Variants in PALLD observed in about 807,000 individuals in gnomAD.
PALLD encodes the protein palladin, cytoskeletal associated protein.
In PALLD, 61 loss-of-function variants were observed where a neutral mutation model predicts 123.5. The observed-to-expected ratio is 0.49, with a 90% CI of 0.40 to 0.61. PALLD has a LOEUF of 0.61. Ranked by LOEUF, PALLD falls within the 20% of genes least tolerant of loss-of-function variation. The pLI is 0.00. For synonymous variants in PALLD, 465 were observed against 496.4 expected, an observed-to-expected ratio of 0.94 and a Z score of 0.84; for missense variants, 1,273 against 1,377.0, an observed-to-expected ratio of 0.92 and a Z score of 1.20.
At chr4:168,878,683 G>A (rs77100808) in intron 10 of PALLD, among the ~76,000 whole-genome samples, 3 of 27,638 alleles carry the variant, frequency 1.1e-4, no homozygotes, top group South Asian at 1.2e-3. Context: ...TAATCATTAT[G>A]GGGGGGGGGG....
intron 2 of PALLD, among the ~76,000 whole-genome samples, chr4:168,542,405 A>G (rs1453463221): frequency 6.6e-6 from 1 of 151,846 alleles, no homozygotes; most frequent in Admixed American, 6.6e-5. Flanking sequence ...AACAGAGAGA[A>G]AAAAGAAAAT....
chr4:168,593,370 G>T (rs1771635227), intron 2 of PALLD, among the ~76,000 whole-genome samples: 1 of 146,418 alleles, frequency 6.8e-6, no homozygotes, highest in African/African-American at 2.6e-5. Context: ...TACCTTTTCT[G>T]CTCAGCATAT....
intron 2 of PALLD, among the ~76,000 whole-genome samples, chr4:168,606,504 C>A (rs972538964): frequency 6.6e-6 from 1 of 151,916 alleles, no homozygotes; most frequent in Admixed American, 6.6e-5. Flanking sequence ...GAAACCCCGT[C>A]TCTACTAAAA....
intron 4 of PALLD, 144 bp from the exon 5 acceptor site, chr4:168,682,854 T>G: frequency 3.3e-6 from 2 of 598,752 alleles, no homozygotes; most frequent in Non-Finnish European, 6.0e-6. Context: ...TGGAAGCAAT[T>G]ACAGTTGAAG....
chr4:168,764,142 T>C (rs527267915), intron 10 of PALLD, among the ~76,000 whole-genome samples: 11 of 152,168 alleles, frequency 7.2e-5, no homozygotes, highest in Non-Finnish European at 1.5e-4. Context: ...TGTCTTCTTA[T>C]AGATATGGGA....
chr4:168,731,107 C>T (rs909768650), intron 10 of PALLD, among the ~76,000 whole-genome samples: 1 of 152,180 alleles, frequency 6.6e-6, no homozygotes, highest in Admixed American at 6.5e-5. Flanking sequence ...CTGCTGCTCA[C>T]GTTAGCATCC....
At chr4:168,691,402 T>C in intron 8 of PALLD, 110 bp downstream of exon 8, 1 of 866,014 alleles carries the variant, frequency 1.2e-6, no homozygotes. Flanking sequence ...CAGAACAATG[T>C]TTTTGTGGCT....
chr4:168,743,092 C>G lies in PALLD; in HGVS notation c.1964+31169C>G, dbSNP rs148782985. The stretch of plus-strand genomic sequence containing the variant: ...GTGTCCTCCCCAGCAGTAGAAATTT[C>G]TACTGCGTGATAACTCTCACGCAAT... On this transcript the variant is annotated intron_variant, in intron 10 of 21. Transcript: ENST00000505667. Among the ~76,000 whole-genome samples the G allele has an allele frequency of 6.0e-3, 921 of 152,328 alleles. 9 individuals are homozygous for G. The highest frequency in any genetic ancestry group is 0.021 in the African/African-American group (858 of 41,564).
intron 10 of PALLD, among the ~76,000 whole-genome samples, chr4:168,855,467 T>C (rs543398241): frequency 6.6e-6 from 1 of 152,338 alleles, no homozygotes; most frequent in African/African-American, 2.4e-5. Flanking sequence ...CTTTAAATTA[T>C]AATTCATGAT....
At chr4:168,860,667 C>T (rs1029521276) in intron 10 of PALLD, among the ~76,000 whole-genome samples, 1 of 152,146 alleles carries the variant, frequency 6.6e-6, no homozygotes, top group African/African-American at 2.4e-5. Flanking sequence ...TACTAAAATA[C>T]AAAAATTATC....
chr4:168,819,327 T>TTGTGTGTGTG (rs3046003), intron 10 of PALLD, among the ~76,000 whole-genome samples: 1 of 148,830 alleles, frequency 6.7e-6, no homozygotes, highest in East Asian at 2.0e-4. Context: ...CCGAGACCAT[T>TTGTGTGTGTG]TGTGTGTGTG....
At chr4:168,841,461 A>T (rs571875334) in intron 10 of PALLD, among the ~76,000 whole-genome samples, 1 of 152,346 alleles carries the variant, frequency 6.6e-6, no homozygotes, top group South Asian at 2.1e-4. Flanking sequence ...AGCAATTCCA[A>T]TGGAAAAGTG....
chr4:168,876,075 C>T (rs1208843855), intron 10 of PALLD, among the ~76,000 whole-genome samples: 1 of 152,202 alleles, frequency 6.6e-6, no homozygotes, highest in African/African-American at 2.4e-5. Context: ...CAGATGGCTT[C>T]TAATCCAGAT....
At chr4:168,745,430 G>T (rs1185600058) in intron 10 of PALLD, among the ~76,000 whole-genome samples, 1 of 141,176 alleles carries the variant, frequency 7.1e-6, no homozygotes, top group East Asian at 2.5e-4. Flanking sequence ...AGATGGGAGG[G>T]GGGGGCAAAT....
chr4:168,549,752 G>A (rs1403081766), intron 2 of PALLD, among the ~76,000 whole-genome samples: 1 of 149,998 alleles, frequency 6.7e-6, no homozygotes. Flanking sequence ...GACATTCATG[G>A]GCAATAGTTC....
At chr4:168,528,934 A>G (rs1764330529) in intron 2 of PALLD, among the ~76,000 whole-genome samples, 1 of 152,196 alleles carries the variant, frequency 6.6e-6, no homozygotes, top group African/African-American at 2.4e-5. Flanking sequence ...TTGGATGAGG[A>G]GTGTGATACA....
chr4:168,786,609 G>A (rs1256999799), intron 10 of PALLD, among the ~76,000 whole-genome samples: 3 of 152,226 alleles, frequency 2.0e-5, no homozygotes, highest in East Asian at 1.9e-4. Context: ...GGTCGAGGCT[G>A]CAGTGAGCCA....
chr4:168,637,626 C>A (rs1776476321), intron 2 of PALLD, among the ~76,000 whole-genome samples: 2 of 151,700 alleles, frequency 1.3e-5, no homozygotes, highest in Admixed American at 6.6e-5. Flanking sequence ...AATGGGCTAA[C>A]AATAGCCACT....
intron 2 of PALLD, among the ~76,000 whole-genome samples, chr4:168,568,406 A>G (rs948376293): frequency 1.3e-5 from 2 of 152,138 alleles, no homozygotes; most frequent in African/African-American, 4.8e-5. Flanking sequence ...TCTGTTCATT[A>G]TATGAAGTTC....
Sources: gnomAD v4.1 joint callset for allele counts (sites outside exome capture counted in the v4.1 genomes callset) on GRCh38, gnomAD v4.1.1 for gene constraint, MANE v1.5 for transcripts, NCBI Gene and HGNC (gene_info 2026-07-23, HGNC 2026-07-21) for gene names.